CCDC38: variants seen among roughly 807,000 people sequenced by gnomAD.
The protein encoded by CCDC38 is coiled-coil domain-containing protein 38.
A neutral mutation model predicts 72.8 loss-of-function variants in CCDC38; 69 were observed. The ratio of observed to expected loss-of-function variants is 0.95; its 90% CI spans 0.78 to 1.16. The LOEUF (loss-of-function observed/expected upper bound fraction) is 1.16, where lower values mean the gene tolerates loss of function less well. CCDC38 is among the 50% of genes most tolerant of loss of function. The probability of loss-of-function intolerance (pLI) is 0.00; values close to 1 mark genes in which losing one functional copy is unlikely to be tolerated. For synonymous variants in CCDC38, 201 were observed against 213.2 expected, an observed-to-expected ratio of 0.94 and a Z score of 0.50; for missense variants, 626 against 638.9, an observed-to-expected ratio of 0.98 and a Z score of 0.22.
intron 11 of CCDC38, chr12:95,880,082 C>T (rs1293301240): frequency 2.3e-5 from 5 of 218,732 alleles, no homozygotes; most frequent in Non-Finnish European, 2.7e-5. Flanking sequence ...GAGGCAAGTG[C>T]GGGAAAAAGG....
chr12:95,913,182 A>G (rs1297802389), intron 4 of CCDC38, among the ~76,000 whole-genome samples: 1 of 152,148 alleles, frequency 6.6e-6, no homozygotes, highest in Non-Finnish European at 1.5e-5. Flanking sequence ...GTCACTTTTG[A>G]CCTTCACCTC....
At chr12:95,868,044 T>G (rs563348080) in intron 15 of CCDC38, among the ~76,000 whole-genome samples, 41 of 152,222 alleles carry the variant, frequency 2.7e-4, no homozygotes, top group Non-Finnish European at 5.0e-4. Context: ...TTTGAATTCC[T>G]TCTGCAATAT....
At position 95,881,528 on chromosome 12, in the gene CCDC38, T is replaced by C. The variant is rs141642623; in HGVS notation, c.947A>G (p.Asp316Gly). The C allele has an allele frequency of 1.9e-4, 309 of 1,609,698 alleles. 3 individuals carry two copies. In the East Asian group the frequency reaches 6.5e-3, roughly 34 times the overall value. The change falls in exon 11 of 16, where the codon GAC becomes GGC. Residue 316 changes from aspartate (D) to glycine (G), a missense_variant. By Grantham distance (94) the Asp-to-Gly change is moderately conservative. Transcript: ENST00000344280. ...SNLAESFGSE[D>G]SLEFLLDDEM... Reference sequence around the variant, plus strand: ...ATCATCTAAAAGGAATTCCAAACTGTCTTCTGAACCGAAACTTTCAGCCAG... The same window carrying C: ...ATCATCTAAAAGGAATTCCAAACTGCCTTCTGAACCGAAACTTTCAGCCAG...
At chr12:95,901,584 G>A (rs546935716) in intron 5 of CCDC38, among the ~76,000 whole-genome samples, 2 of 152,250 alleles carry the variant, frequency 1.3e-5, no homozygotes, top group Non-Finnish European at 2.9e-5. Flanking sequence ...GGGAGAAGAG[G>A]AGAACAAGCA....
intron 2 of CCDC38, among the ~76,000 whole-genome samples, chr12:95,930,108 G>A (rs1436557202): frequency 1.3e-5 from 2 of 152,024 alleles, no homozygotes; most frequent in East Asian, 3.9e-4. Flanking sequence ...AGTTTCCAGA[G>A]GTTAGAATAG....
intron 10 of CCDC38, among the ~76,000 whole-genome samples, chr12:95,887,148 G>A (rs988430135): frequency 2.0e-5 from 3 of 152,138 alleles, no homozygotes; most frequent in Non-Finnish European, 4.4e-5. Context: ...CTGTGCCATT[G>A]CACTCCAGCC....
chr12:95,879,866 A>G lies in CCDC38; in HGVS notation c.991-71T>C. 1 of 1,188,168 alleles carries G rather than the reference A, an allele frequency of 8.4e-7. No individual in the cohort carries two copies. Among genetic ancestry groups the G allele is most frequent in the East Asian group, 2.4e-5 (1 of 42,458 alleles). The allele number at this position is 1,188,168 out of a possible 1,614,324, so 73.6% of individuals were successfully genotyped here. A position where few individuals can be genotyped will look rare whatever the true frequency, so the allele number is the denominator to read the frequency against. On this transcript the variant is annotated intron_variant, in intron 11 of 15. Transcript: ENST00000344280. The surrounding 1 kb of genome is among the most constrained non-coding windows in gnomAD (Gnocchi z 5.5). ...ACCTATGCACATGTGACTTATCTAGAAAATACAGTGGGGTAAAGGAAGACA... is the reference window on the plus strand; with the variant it reads ...ACCTATGCACATGTGACTTATCTAGGAAATACAGTGGGGTAAAGGAAGACA...
chr12:95,911,622 C>T (rs190576155), intron 4 of CCDC38, among the ~76,000 whole-genome samples: 1 of 152,310 alleles, frequency 6.6e-6, no homozygotes, highest in Admixed American at 6.5e-5. Context: ...GAATGCCCGA[C>T]ATTGCCAATC....
At chr12:95,882,521 G>A (rs971729111) in intron 10 of CCDC38, among the ~76,000 whole-genome samples, 1 of 152,178 alleles carries the variant, frequency 6.6e-6, no homozygotes, top group African/African-American at 2.4e-5. Flanking sequence ...TGCCTATTGA[G>A]CAGCTGGAGA....
At chr12:95,894,788 A>G (rs111380338) in intron 8 of CCDC38, among the ~76,000 whole-genome samples, 10 of 152,318 alleles carry the variant, frequency 6.6e-5, no homozygotes, top group Non-Finnish European at 1.2e-4. Context: ...GTATTCCTCT[A>G]CAGCAACATA....
intron 2 of CCDC38, chr12:95,935,284 A>T (rs2080381099): frequency 6.5e-6 from 1 of 152,880 alleles, no homozygotes; most frequent in African/African-American, 2.4e-5. Flanking sequence ...ATAGAACCCT[A>T]AATGAACACT....
At chr12:95,878,556 C>G (rs1455284450) in intron 12 of CCDC38, among the ~76,000 whole-genome samples, 1 of 152,174 alleles carries the variant, frequency 6.6e-6, no homozygotes, top group Non-Finnish European at 1.5e-5. Flanking sequence ...TAACTTCCAT[C>G]AGAAGGCATT....
At chr12:95,925,819 T>C (rs1447759749) in intron 2 of CCDC38, among the ~76,000 whole-genome samples, 6 of 150,950 alleles carry the variant, frequency 4.0e-5, no homozygotes, top group Admixed American at 2.7e-4. Flanking sequence ...TTGTCTTTGG[T>C]TCTGTTTATA....
At chr12:95,939,711 A>C (rs2080429413) in intron 1 of CCDC38, among the ~76,000 whole-genome samples, 1 of 152,216 alleles carries the variant, frequency 6.6e-6, no homozygotes, top group African/African-American at 2.4e-5. Flanking sequence ...TATATTAGAT[A>C]TCTAAAGGGA....
chr12:95,922,809 A>G (rs1305203490), intron 2 of CCDC38, among the ~76,000 whole-genome samples: 2 of 152,208 alleles, frequency 1.3e-5, no homozygotes, highest in Admixed American at 6.5e-5. Context: ...GCTGAAGACC[A>G]GGAGGTAGCC....
At chr12:95,876,504 A>C (rs908788191) in intron 13 of CCDC38, among the ~76,000 whole-genome samples, 26 of 152,212 alleles carry the variant, frequency 1.7e-4, no homozygotes, top group African/African-American at 6.3e-4. Flanking sequence ...AATGTACTTA[A>C]TGCCATTGAA....
At chr12:95,941,789 GCA>G (rs1011932227) in intron 1 of CCDC38, among the ~76,000 whole-genome samples, 11 of 151,670 alleles carry the variant, frequency 7.3e-5, no homozygotes, top group African/African-American at 1.9e-4. Flanking sequence ...TAAAAGCTAT[GCA>G]CACACACACA....
chr12:95,892,746 T>C (rs1163220272), intron 8 of CCDC38, among the ~76,000 whole-genome samples: 1 of 151,924 alleles, frequency 6.6e-6, no homozygotes, highest in Non-Finnish European at 1.5e-5. Flanking sequence ...ATTTTTGTAT[T>C]TTTTAGTAGA....
intron 7 of CCDC38, 81 bp downstream of exon 7, chr12:95,898,304 G>T: frequency 1.0e-5 from 13 of 1,291,948 alleles, no homozygotes; most frequent in Non-Finnish European, 1.5e-5. Context: ...GGATGATCAG[G>T]ATTATTAGGT....
Sources: allele counts gnomAD v4.1 joint callset (sites outside exome capture counted in the v4.1 genomes callset), GRCh38; gene constraint gnomAD v4.1.1; non-coding constraint Gnocchi (gnomAD v3.1); transcripts MANE v1.5; gene names NCBI Gene and HGNC (gene_info 2026-07-23, HGNC 2026-07-21).